SMIM35: variants seen among roughly 807,000 people sequenced by gnomAD.
SMIM35 encodes the protein small integral membrane protein 35.
At chr11:118,007,486 C>A (rs113424365) in intron 4 of SMIM35, among the ~76,000 whole-genome samples, 4,651 of 152,150 alleles carry the variant, frequency 0.031, 227 homozygotes, top group African/African-American at 0.1. Flanking sequence ...ACCTCTGCCT[C>A]CTGGGTTCAA....
intron 1 of SMIM35, among the ~76,000 whole-genome samples, chr11:118,075,806 C>G (rs1944665435): frequency 6.6e-6 from 1 of 152,246 alleles, no homozygotes; most frequent in Admixed American, 6.5e-5. Context: ...GGGTCATTGA[C>G]TTTGCCTCTC....
intron 1 of SMIM35, among the ~76,000 whole-genome samples, chr11:118,050,579 C>T (rs1379674022): frequency 6.6e-6 from 1 of 152,188 alleles, no homozygotes; most frequent in African/African-American, 2.4e-5. Flanking sequence ...TACAAAGTGG[C>T]GGTCACCCAT....
In SMIM35 at chr11:118,060,725, C is replaced by G. The variant is rs923910139; in HGVS notation, c.7+26026G>C. 2.0e-5 allele frequency among the ~76,000 whole-genome samples: 3 copies of G among 152,232 alleles called. No individual in the cohort carries two copies. The South Asian group carries it at 6.2e-4, about 32-fold the overall frequency. On this transcript the variant is annotated intron_variant, in intron 1 of 4. Transcript: ENST00000689828. ...TCCCTCTGGCTGTTCCCCTCGCCACCCCTTCCTCTAATTCCCTGCCAGCTC... is the reference window on the plus strand; with the variant it reads ...TCCCTCTGGCTGTTCCCCTCGCCACGCCTTCCTCTAATTCCCTGCCAGCTC...
chr11:118,019,589 T>C (rs1233131538), intron 1 of SMIM35, among the ~76,000 whole-genome samples: 3 of 152,254 alleles, frequency 2.0e-5, no homozygotes, highest in African/African-American at 7.2e-5. Flanking sequence ...TAGTGTCTTT[T>C]TTGAGCAGAA....
At chr11:118,043,490 A>C (rs929726975) in intron 1 of SMIM35, among the ~76,000 whole-genome samples, 3 of 152,134 alleles carry the variant, frequency 2.0e-5, no homozygotes, top group Non-Finnish European at 4.4e-5. Context: ...AAATATCCAG[A>C]AAATCTATAG....
At chr11:118,039,202 G>A (rs1337616726) in intron 1 of SMIM35, among the ~76,000 whole-genome samples, 1 of 152,216 alleles carries the variant, frequency 6.6e-6, no homozygotes, top group African/African-American at 2.4e-5. Context: ...GGCAAGAGAA[G>A]GTGGTGACTT....
chr11:118,061,646 G>A (rs926121277), intron 1 of SMIM35, among the ~76,000 whole-genome samples: 1 of 152,120 alleles, frequency 6.6e-6, no homozygotes, highest in Non-Finnish European at 1.5e-5. Flanking sequence ...GGCAACCTCT[G>A]TTAAGCAGAA....
intron 4 of SMIM35, among the ~76,000 whole-genome samples, chr11:118,013,522 C>T (rs1055740404): frequency 2.0e-5 from 3 of 152,138 alleles, no homozygotes; most frequent in African/African-American, 4.8e-5. Flanking sequence ...AAGGAAAGGC[C>T]GGGCATGGAT....
chr11:118,023,663 GA>G (rs1307182275), intron 1 of SMIM35, among the ~76,000 whole-genome samples: 3 of 151,950 alleles, frequency 2.0e-5, no homozygotes, highest in Non-Finnish European at 4.4e-5. Flanking sequence ...CATCACAGAA[GA>G]AAAAAGTAGT....
intron 1 of SMIM35, among the ~76,000 whole-genome samples, chr11:118,081,457 G>A (rs979414364): frequency 6.6e-5 from 10 of 152,206 alleles, no homozygotes; most frequent in Admixed American, 5.2e-4. Context: ...ATGGAAAACC[G>A]CAACAGTCCT....
At chr11:118,030,320 C>G (rs1363131548) in intron 1 of SMIM35, among the ~76,000 whole-genome samples, 1 of 152,120 alleles carries the variant, frequency 6.6e-6, no homozygotes, top group Non-Finnish European at 1.5e-5. Context: ...CAGGTGTGAG[C>G]CATCGCACCC....
chr11:118,075,409 C>T (rs773669122), intron 1 of SMIM35, among the ~76,000 whole-genome samples: 16 of 152,332 alleles, frequency 1.1e-4, no homozygotes, highest in East Asian at 3.9e-4. Context: ...TACACAGATC[C>T]GGTATTCCTC....
chr11:118,080,851 C>T (rs1565406283), intron 1 of SMIM35, among the ~76,000 whole-genome samples: 1 of 152,196 alleles, frequency 6.6e-6, no homozygotes, highest in Non-Finnish European at 1.5e-5. Flanking sequence ...GCCTCTTCTG[C>T]CCTCAGTCTT....
intron 1 of SMIM35, among the ~76,000 whole-genome samples, chr11:118,053,068 G>A (rs1944245029): frequency 6.6e-6 from 1 of 152,176 alleles, no homozygotes; most frequent in Non-Finnish European, 1.5e-5. Context: ...CACTTAGGGA[G>A]GCCATGACGG....
At chr11:118,045,298 A>G (rs1484650954) in intron 1 of SMIM35, among the ~76,000 whole-genome samples, 2 of 149,838 alleles carry the variant, frequency 1.3e-5, no homozygotes, top group Non-Finnish European at 3.0e-5. Context: ...AAGAATAGAT[A>G]TCACATAATT....
Position 118,045,640 on chromosome 11 carries a change from A to C in SMIM35, c.8-29831T>G, listed in dbSNP as rs552195281. ...GATGAATAATATTGCTGAAGAAAACAAACCAATCACATAACAATAAAAAAT... is the reference window on the plus strand; with the variant it reads ...GATGAATAATATTGCTGAAGAAAACCAACCAATCACATAACAATAAAAAAT... On this transcript the variant is annotated intron_variant, in intron 1 of 4. Transcript: ENST00000689828. 6.6e-5 allele frequency among the ~76,000 whole-genome samples: 10 copies of C among 152,354 alleles called. No homozygotes were observed. The South Asian group carries it at 2.1e-3, about 32-fold the overall frequency.
Position 118,044,789 on chromosome 11 carries a change from A to AAAC in SMIM35, c.8-28981_8-28980insGTT, listed in dbSNP as rs56219743. Reference sequence around the variant, plus strand: ...TCCATCTCCAAAAAAAAAAAAAAAAAGTTCATTCTACTAAAAAAAAAACAA... The same window carrying AAAC: ...TCCATCTCCAAAAAAAAAAAAAAAAAAACGTTCATTCTACTAAAAAAAAAACAA... On this transcript the variant is annotated intron_variant, in intron 1 of 4. Transcript: ENST00000689828. Among the ~76,000 whole-genome samples the AAAC allele has an allele frequency of 7.9e-5, 8 of 100,798 alleles. 1 individual carries two copies. The highest frequency in any genetic ancestry group is 1.7e-4 in the Non-Finnish European group (8 of 46,670). 66.1% of individuals were successfully genotyped at this position (100,798 alleles called of 152,430 possible). A position where few individuals can be genotyped will look rare whatever the true frequency, so the allele number is the denominator to read the frequency against.
intron 1 of SMIM35, among the ~76,000 whole-genome samples, chr11:118,020,134 C>T (rs1338244407): frequency 4.6e-5 from 7 of 152,016 alleles, no homozygotes; most frequent in East Asian, 1.9e-4. Flanking sequence ...GGTGTGGTAG[C>T]GGGCAAAGGT....
intron 1 of SMIM35, among the ~76,000 whole-genome samples, chr11:118,043,705 G>C (rs1424657612): frequency 4.0e-5 from 6 of 151,870 alleles, no homozygotes; most frequent in African/African-American, 1.5e-4. Context: ...AGCTACTCGG[G>C]AGGCTGAGGC....
Sources: gnomAD v4.1 joint callset for allele counts (sites outside exome capture counted in the v4.1 genomes callset) on GRCh38, gnomAD v4.1.1 for gene constraint, MANE v1.5 for transcripts, NCBI Gene and HGNC (gene_info 2026-07-23, HGNC 2026-07-21) for gene names.